Variants in PLPPR5 observed in about 807,000 individuals in gnomAD.
PLPPR5 encodes the protein phospholipid phosphatase related 5.
A neutral mutation model predicts 33.9 loss-of-function variants in PLPPR5; 16 were observed. The ratio of observed to expected loss-of-function variants is 0.47; its 90% CI spans 0.32 to 0.72. The LOEUF is 0.72. PLPPR5 is among the 30% of genes least tolerant of loss of function. The pLI, the probability that PLPPR5 is intolerant of heterozygous loss-of-function variation, is 0.03. For synonymous variants in PLPPR5, 163 were observed against 150.3 expected (o/e 1.08, Z -0.62); for missense variants, 301 against 406.7 (o/e 0.74, Z 2.23).
At chr1:98,901,741 A>G (rs1484903568) in intron 5 of PLPPR5, among the ~76,000 whole-genome samples, 2 of 152,082 alleles carry the variant, frequency 1.3e-5, no homozygotes, top group Non-Finnish European at 2.9e-5. Flanking sequence ...AAAAGCCTTA[A>G]AAGTGTTCAT....
In PLPPR5 at chr1:98,892,200, A is replaced by G. The variant is rs1033740280; in HGVS notation, c.*872T>C. The G allele has an allele frequency of 3.9e-5, 6 of 152,122 alleles. No individual in the cohort carries two copies. The highest frequency in any genetic ancestry group is 1.4e-4 in the African/African-American group (6 of 41,408). 9.4% of individuals were successfully genotyped at this position (152,122 alleles called of 1,614,324 possible). On this transcript the variant is annotated 3_prime_UTR_variant, in exon 6 of 6. Coordinates refer to ENST00000263177, the MANE Select transcript of PLPPR5 (RefSeq NM_001037317.2). ...TAAATTATGTGGAATCTTTAGTAGT[A>G]AAAAAGCCTAAGAGTGGAGCTTTTG...
chr1:98,911,914 C>T (rs971456218), intron 5 of PLPPR5, among the ~76,000 whole-genome samples: 1 of 151,976 alleles, frequency 6.6e-6, no homozygotes, highest in Non-Finnish European at 1.5e-5. Flanking sequence ...CACATGCCAC[C>T]GCACCTGGCT....
At chr1:98,911,350 A>C (rs1017624119) in intron 5 of PLPPR5, among the ~76,000 whole-genome samples, 3 of 152,236 alleles carry the variant, frequency 2.0e-5, no homozygotes, top group Non-Finnish European at 4.4e-5. Flanking sequence ...TAAATTTGTT[A>C]TGAACCTAAA....
chr1:98,964,973 A>ATTT (rs566402306), intron 1 of PLPPR5, among the ~76,000 whole-genome samples: 7,034 of 121,362 alleles, frequency 0.058, 230 homozygotes, highest in East Asian at 0.15. Flanking sequence ...TTAATTTTTG[A>ATTT]TTTTTTTTTT....
Position 98,920,416 on chromosome 1 carries a change from T to C in PLPPR5, c.798+1466A>G, listed in dbSNP as rs189605849. Among the ~76,000 whole-genome samples, 139 of 150,472 alleles carry C rather than the reference T, an allele frequency of 9.2e-4. 2 individuals are homozygous for C. The highest frequency in any genetic ancestry group is 1.6e-4 in the Non-Finnish European group (11 of 67,792). ...ATGTAAAGTTTGTTGTTGGTTTTGCTTTTTGAATGTTAACCAGTTTCAACT... is the reference window on the plus strand; with the variant it reads ...ATGTAAAGTTTGTTGTTGGTTTTGCCTTTTGAATGTTAACCAGTTTCAACT... On this transcript the variant is annotated intron_variant, in intron 4 of 5. Coordinates refer to ENST00000263177, the MANE Select transcript of PLPPR5 (RefSeq NM_001037317.2).
At chr1:98,935,852 C>T (rs1650152242) in intron 3 of PLPPR5, among the ~76,000 whole-genome samples, 1 of 152,156 alleles carries the variant, frequency 6.6e-6, no homozygotes, top group Non-Finnish European at 1.5e-5. Flanking sequence ...AAGAACCATG[C>T]TGGAAATCAA....
intron 5 of PLPPR5, among the ~76,000 whole-genome samples, chr1:98,905,662 TTC>T (rs1648869159): frequency 6.6e-6 from 1 of 152,136 alleles, no homozygotes; most frequent in South Asian, 2.1e-4. Context: ...TTTGTACAGT[TTC>T]TGTTACTTTA....
chr1:99,004,374 C>T lies in PLPPR5; in HGVS notation c.237+61G>A. 3 of 1,439,346 alleles carry T rather than the reference C, an allele frequency of 2.1e-6. No individual in the cohort carries two copies. In the South Asian group the frequency reaches 3.9e-5, roughly 19 times the overall value. The allele number at this position is 1,439,346 out of a possible 1,614,324, so 89.2% of individuals were successfully genotyped here. The stretch of plus-strand genomic sequence containing the variant: ...GCCCCAACCCTTAGAGGGGCCTCAA[C>T]CCCGAAGGCGAGGGGCGAGATCAGG... On this transcript the variant is annotated intron_variant, in intron 1 of 5. Transcript: ENST00000263177.
chr1:98,929,058 G>A (rs970918943), intron 3 of PLPPR5, among the ~76,000 whole-genome samples: 13 of 152,036 alleles, frequency 8.6e-5, no homozygotes, highest in African/African-American at 3.1e-4. Flanking sequence ...TGTAAGCTTT[G>A]AGGAAAAGTT....
intron 1 of PLPPR5, among the ~76,000 whole-genome samples, chr1:98,978,939 C>T (rs1651963306): frequency 1.3e-5 from 2 of 152,114 alleles, no homozygotes; most frequent in African/African-American, 4.8e-5. Context: ...ATACACCTGA[C>T]AGGATGACAT....
intron 1 of PLPPR5, among the ~76,000 whole-genome samples, chr1:98,961,102 C>T (rs1012512782): frequency 3.3e-5 from 5 of 152,210 alleles, no homozygotes; most frequent in African/African-American, 1.2e-4. Flanking sequence ...CTCCCTCTCA[C>T]GCACAGGGGA....
chr1:99,004,290 G>T, intron 1 of PLPPR5, 145 bp downstream of exon 1: 1 of 689,780 alleles, frequency 1.4e-6, no homozygotes, highest in Non-Finnish European at 2.4e-6. Context: ...GCCCTAGAAT[G>T]TCCTCTGGGG....
At chr1:99,003,072 T>C (rs1652925354) in intron 1 of PLPPR5, among the ~76,000 whole-genome samples, 1 of 134,676 alleles carries the variant, frequency 7.4e-6, no homozygotes, top group African/African-American at 2.7e-5. Context: ...TATATATATA[T>C]ATATATATAT....
intron 5 of PLPPR5, among the ~76,000 whole-genome samples, chr1:98,907,248 C>T (rs1648940255): frequency 7.2e-6 from 1 of 139,806 alleles, no homozygotes; most frequent in South Asian, 2.2e-4. Flanking sequence ...GTTGTCCAGG[C>T]TGGAGTGCAG....
Position 99,004,696 on chromosome 1 carries a change from C to G in PLPPR5, c.-25G>C, listed in dbSNP as rs577976889. On this transcript the variant is annotated 5_prime_UTR_variant, in exon 1 of 6. Transcript: ENST00000263177. ...TGCACGCCTCCCGGGCCGGGCCGAG[C>G]CGAGCCGAGCGGGCGGTCGACGCGG... 4.4e-5 allele frequency: 65 copies of G among 1,478,810 alleles called. 2 individuals carry two copies. The South Asian group carries it at 7.9e-4, about 18-fold the overall frequency. 91.6% of individuals were successfully genotyped at this position (1,478,810 alleles called of 1,614,324 possible).
intron 3 of PLPPR5, among the ~76,000 whole-genome samples, chr1:98,935,454 A>C (rs1000544944): frequency 1.3e-5 from 2 of 152,150 alleles, no homozygotes; most frequent in Admixed American, 1.3e-4. Context: ...TTTACTATTT[A>C]ATTTTCTTCA....
At chr1:98,914,587 T>C (rs545717357) in intron 5 of PLPPR5, among the ~76,000 whole-genome samples, 199 bp downstream of exon 5, 2 of 152,302 alleles carry the variant, frequency 1.3e-5, no homozygotes, top group South Asian at 4.1e-4. Context: ...TAAGCCATTG[T>C]GACCGGCCTA....
In PLPPR5 at chr1:98,890,979, C is replaced by G. The variant is rs1459777868; in HGVS notation, c.*2093G>C. 6.6e-6 allele frequency: 1 copy of G among 152,124 alleles called. No individual in the cohort carries two copies. The highest frequency in any genetic ancestry group is 1.5e-5 in the Non-Finnish European group (1 of 68,018). 9.4% of individuals were successfully genotyped at this position (152,124 alleles called of 1,614,324 possible). A position where few individuals can be genotyped will look rare whatever the true frequency, so the allele number is the denominator to read the frequency against. ...CAACAGGAAAAACATTCCTGCTTGG[C>G]TGCTTGGAAGTCTGATGTAGAATCA... On this transcript the variant is annotated 3_prime_UTR_variant, in exon 6 of 6. Transcript: ENST00000263177.
chr1:98,932,094 G>C (rs1324212038), intron 3 of PLPPR5, among the ~76,000 whole-genome samples: 5 of 152,172 alleles, frequency 3.3e-5, no homozygotes, highest in Non-Finnish European at 5.9e-5. Context: ...GGCCTCAGTG[G>C]CCAACAGAAG....
Sources: gnomAD v4.1 joint callset for allele counts (sites outside exome capture counted in the v4.1 genomes callset) on GRCh38, gnomAD v4.1.1 for gene constraint, MANE v1.5 for transcripts, NCBI Gene and HGNC (gene_info 2026-07-23, HGNC 2026-07-21) for gene names.